The following KIRREL3 variants were observed in gnomAD, a reference collection of about 807,000 sequenced individuals.
KIRREL3 encodes kirre like nephrin family adhesion molecule 3.
A neutral mutation model predicts 89.7 loss-of-function variants in KIRREL3; 36 were observed. That is an observed-to-expected ratio of 0.40 (90% CI 0.31 to 0.53). The LOEUF is 0.53. KIRREL3 is among the 20% of genes least tolerant of loss of function. The pLI, the probability that KIRREL3 is intolerant of heterozygous loss-of-function variation, is 0.49. For missense variants in KIRREL3, 864 were observed against 1,056.6 expected (o/e 0.82, Z 2.53); for synonymous variants, 445 against 441.4 (o/e 1.01, Z -0.10).
chr11:126,479,342 G>A (rs919875916), intron 4 of KIRREL3, among the ~76,000 whole-genome samples: 1 of 152,120 alleles, frequency 6.6e-6, no homozygotes, highest in African/African-American at 2.4e-5. Context: ...TCTCTCACCA[G>A]CCTCCTCCAT....
At chr11:126,821,400 A>G (rs1012510217) in intron 1 of KIRREL3, among the ~76,000 whole-genome samples, 2 of 145,426 alleles carry the variant, frequency 1.4e-5, no homozygotes, top group African/African-American at 5.3e-5. Context: ...TTACCTGGCC[A>G]TTTTTGGATA....
intron 1 of KIRREL3, among the ~76,000 whole-genome samples, chr11:126,926,537 G>A (rs1157335020): frequency 2.6e-5 from 4 of 152,244 alleles, no homozygotes; most frequent in Non-Finnish European, 4.4e-5. Context: ...GGGGTGACTC[G>A]GCTGGGCTTC....
At chr11:126,930,125 TC>T (rs1794540394) in intron 1 of KIRREL3, among the ~76,000 whole-genome samples, 1 of 151,838 alleles carries the variant, frequency 6.6e-6, no homozygotes, top group Non-Finnish European at 1.5e-5. Flanking sequence ...AACTCTTCAC[TC>T]CCCCCTGCAC....
rs1284060905 is a variant in KIRREL3 at position 126,796,745 on chromosome 11, G to A, written c.55+203710C>T. Among the ~76,000 whole-genome samples the A allele has an allele frequency of 6.6e-6, 1 of 151,880 alleles. No individual in the cohort carries two copies. Among genetic ancestry groups the A allele is most frequent in the Non-Finnish European group, 1.5e-5 (1 of 67,994 alleles). On this transcript the variant is annotated intron_variant, in intron 1 of 16. Transcript: ENST00000525144. The surrounding 1 kb of genome is among the most constrained non-coding windows in gnomAD (Gnocchi z 5.1). ...GGCTGGAGTGCAGTGGCATGATCTT[G>A]GCTCACTGCAGCCTCAACTTCCCAG... is the stretch of plus-strand genomic sequence containing the variant.
rs1000485338 is a variant in KIRREL3 at position 126,931,072 on chromosome 11, A to G, written c.55+69383T>C. Among the ~76,000 whole-genome samples, 8 of 152,194 alleles carry G rather than the reference A, an allele frequency of 5.3e-5. No individual in the cohort carries two copies. Among genetic ancestry groups the G allele is most frequent in the Non-Finnish European group, 8.8e-5 (6 of 68,042 alleles). ...CACCTTCTCTCAGAAAGCTTTGGGCAGTTGGATACCCTACCTGTGAGTTCC... is the reference window on the plus strand; with the variant it reads ...CACCTTCTCTCAGAAAGCTTTGGGCGGTTGGATACCCTACCTGTGAGTTCC... On this transcript the variant is annotated intron_variant, in intron 1 of 16. Transcript: ENST00000525144. This position sits in a 1 kb window ranked among gnomAD's most constrained non-coding sequence, Gnocchi z 5.1.
Position 126,892,068 on chromosome 11 carries a change from C to A in KIRREL3, c.55+108387G>T, listed in dbSNP as rs187038939. ...GGGTGCCTGAATTCTGATCCTGGCT[C>A]TATCAGTGTCTCTGTGCACCAGAGA... On this transcript the variant is annotated intron_variant, in intron 1 of 16. Coordinates refer to ENST00000525144, the MANE Select transcript of KIRREL3 (RefSeq NM_032531.4). This position sits in a 1 kb window ranked among gnomAD's most constrained non-coding sequence, Gnocchi z 5.4. Among the ~76,000 whole-genome samples the A allele has an allele frequency of 4.9e-3, 739 of 152,290 alleles. 2 individuals are homozygous for A. The highest frequency in any genetic ancestry group is 0.02 in the Middle Eastern group (6 of 294).
Position 126,959,023 on chromosome 11 carries a change from A to T in KIRREL3, c.55+41432T>A, listed in dbSNP as rs929815359. Among the ~76,000 whole-genome samples, 4 of 152,142 alleles carry T rather than the reference A, an allele frequency of 2.6e-5. No individual in the cohort carries two copies. The East Asian group carries it at 5.8e-4, about 22-fold the overall frequency. On this transcript the variant is annotated intron_variant, in intron 1 of 16. Transcript: ENST00000525144. ...CATTCAATCAGTTGAAGGCTTGAAT[A>T]AAAAAAAGACTGACTTCTCTCTCTC...
At chr11:126,850,038 T>A (rs979238241) in intron 1 of KIRREL3, among the ~76,000 whole-genome samples, 2 of 152,118 alleles carry the variant, frequency 1.3e-5, no homozygotes, top group African/African-American at 4.8e-5. Context: ...TCACAAACAA[T>A]CCATTCTTGT....
Position 126,568,908 on chromosome 11 carries a change from A to G in KIRREL3, c.56-5996T>C, listed in dbSNP as rs1038944432. On this transcript the variant is annotated intron_variant, in intron 1 of 16. Coordinates refer to ENST00000525144, the MANE Select transcript of KIRREL3 (RefSeq NM_032531.4). This position sits in a 1 kb window ranked among gnomAD's most constrained non-coding sequence, Gnocchi z 4.6. Reference sequence around the variant, plus strand: ...GCTCTCCAGGGTGATATAATGAGCTATTAGGTTGCATACTTCCCAGGTTAG... The same window carrying G: ...GCTCTCCAGGGTGATATAATGAGCTGTTAGGTTGCATACTTCCCAGGTTAG... Among the ~76,000 whole-genome samples, 1 of 152,070 alleles carries G rather than the reference A, an allele frequency of 6.6e-6. No homozygotes were observed. The highest frequency in any genetic ancestry group is 1.5e-5 in the Non-Finnish European group (1 of 67,998).
intron 1 of KIRREL3, among the ~76,000 whole-genome samples, chr11:126,721,329 G>A (rs1163226698): frequency 6.6e-6 from 1 of 151,976 alleles, no homozygotes; most frequent in African/African-American, 2.4e-5. Flanking sequence ...TCGGGAGTTC[G>A]AGACCAGCTT....
At chr11:126,941,761 C>G (rs1318572184) in intron 1 of KIRREL3, among the ~76,000 whole-genome samples, 1 of 152,200 alleles carries the variant, frequency 6.6e-6, no homozygotes, top group Non-Finnish European at 1.5e-5. Flanking sequence ...AATCAGGGGC[C>G]GTGCCCTGGG....
rs192637245 is a variant in KIRREL3, at chr11:126,444,414, C to G, written c.1252+565G>C. Among the ~76,000 whole-genome samples the G allele has an allele frequency of 1.2e-3, 180 of 152,310 alleles. 1 individual carries two copies. Among genetic ancestry groups the G allele is most frequent in the Admixed American group, 0.011 (173 of 15,302 alleles). On this transcript the variant is annotated intron_variant, in intron 10 of 16. Transcript: ENST00000525144. ...TTGGGAGGCCGAGGCAGGTGGCTCACTTGAGGTTAGGAGTTGGAGACCAAC... is the reference window on the plus strand; with the variant it reads ...TTGGGAGGCCGAGGCAGGTGGCTCAGTTGAGGTTAGGAGTTGGAGACCAAC...
Position 126,747,622 on chromosome 11 carries a change from C to T in KIRREL3, c.56-184710G>A, listed in dbSNP as rs925283793. On this transcript the variant is annotated intron_variant, in intron 1 of 16. Transcript: ENST00000525144. This position sits in a 1 kb window ranked among gnomAD's most constrained non-coding sequence, Gnocchi z 4.7. ...TATCCCTCTTTCGTGGTATTAGGAA[C>T]CTGGTATAACTGAGAGCGCATCTCC... is the stretch of plus-strand genomic sequence containing the variant. Among the ~76,000 whole-genome samples the T allele has an allele frequency of 2.0e-5, 3 of 152,064 alleles. No homozygotes were observed. Among genetic ancestry groups the T allele is most frequent in the Non-Finnish European group, 4.4e-5 (3 of 68,026 alleles).
At chr11:126,756,570 G>A (rs1042048315) in intron 1 of KIRREL3, among the ~76,000 whole-genome samples, 1 of 152,218 alleles carries the variant, frequency 6.6e-6, no homozygotes, top group Non-Finnish European at 1.5e-5. Flanking sequence ...TGCCAGTGGC[G>A]CTATCTCACA....
In KIRREL3 at chr11:126,744,893, G is replaced by A. The variant is rs1451455036; in HGVS notation, c.56-181981C>T. Among the ~76,000 whole-genome samples the A allele has an allele frequency of 2.0e-5, 3 of 150,296 alleles. No homozygotes were observed. The highest frequency in any genetic ancestry group is 4.4e-5 in the Non-Finnish European group (3 of 67,728). On this transcript the variant is annotated intron_variant, in intron 1 of 16. Coordinates refer to ENST00000525144, the MANE Select transcript of KIRREL3 (RefSeq NM_032531.4). This position sits in a 1 kb window ranked among gnomAD's most constrained non-coding sequence, Gnocchi z 4.7. ...GTAAGTGCTAAAAAAAAAAAAAAAG[G>A]TGGGAAAAGTAGCTGAGAACTGGTT...
rs762046050 is a variant in KIRREL3 at position 126,578,858 on chromosome 11, G to A, written c.56-15946C>T. Among the ~76,000 whole-genome samples the A allele has an allele frequency of 7.2e-5, 11 of 152,072 alleles. No homozygotes were observed. The highest frequency in any genetic ancestry group is 1.2e-4 in the Non-Finnish European group (8 of 68,028). The stretch of plus-strand genomic sequence containing the variant: ...TTCCAAGGTGAAAATAAGCCATCAC[G>A]TATTGACCATCTGTCAGCAAGTATC... On this transcript the variant is annotated intron_variant, in intron 1 of 16. Transcript: ENST00000525144. The surrounding 1 kb of genome is among the most constrained non-coding windows in gnomAD (Gnocchi z 4.9).
chr11:126,890,774 C>T lies in KIRREL3; in HGVS notation c.55+109681G>A, dbSNP rs1417518841. Among the ~76,000 whole-genome samples, 1 of 152,254 alleles carries T rather than the reference C, an allele frequency of 6.6e-6. No individual in the cohort carries two copies. The highest frequency in any genetic ancestry group is 2.4e-5 in the African/African-American group (1 of 41,474). Reference sequence around the variant, plus strand: ...TGCAAACATGAGCGTCCCCCAGTCCCAGCACCACAGCGGCCTGCCTGTGCC... The same window carrying T: ...TGCAAACATGAGCGTCCCCCAGTCCTAGCACCACAGCGGCCTGCCTGTGCC... On this transcript the variant is annotated intron_variant, in intron 1 of 16. Coordinates refer to ENST00000525144, the MANE Select transcript of KIRREL3 (RefSeq NM_032531.4). The surrounding 1 kb of genome is among the most constrained non-coding windows in gnomAD (Gnocchi z 5.1).
rs1950545049 is a variant in KIRREL3 at position 126,788,454 on chromosome 11, G to C, written c.55+212001C>G. 6.6e-6 allele frequency among the ~76,000 whole-genome samples: 1 copy of C among 152,180 alleles called. No homozygotes were observed. The highest frequency in any genetic ancestry group is 6.5e-5 in the Admixed American group (1 of 15,278). ...GCCTCCTCTGTCCATGTTCTAACAG[G>C]AGCTCTGCAGAGTGGCAAACACTCC... is the stretch of plus-strand genomic sequence containing the variant. On this transcript the variant is annotated intron_variant, in intron 1 of 16. Coordinates refer to ENST00000525144, the MANE Select transcript of KIRREL3 (RefSeq NM_032531.4). The surrounding 1 kb of genome is among the most constrained non-coding windows in gnomAD (Gnocchi z 4.1).
chr11:126,648,181 T>C (rs1249073217), intron 1 of KIRREL3, among the ~76,000 whole-genome samples: 2 of 152,188 alleles, frequency 1.3e-5, no homozygotes, highest in Non-Finnish European at 2.9e-5. Context: ...CCTTCCACCA[T>C]GATTGTAAGT....
Sources: allele counts gnomAD v4.1 joint callset (sites outside exome capture counted in the v4.1 genomes callset), GRCh38; gene constraint gnomAD v4.1.1; non-coding constraint Gnocchi (gnomAD v3.1); transcripts MANE v1.5; gene names NCBI Gene and HGNC (gene_info 2026-07-23, HGNC 2026-07-21).